TNRC6C: variants seen among roughly 807,000 people sequenced by gnomAD.
TNRC6C encodes trinucleotide repeat containing adaptor 6C, also known as trinucleotide repeat-containing gene 6C protein.
In TNRC6C, 20 loss-of-function variants were observed where a neutral mutation model predicts 153.7. The ratio of observed to expected loss-of-function variants is 0.13; its 90% CI spans 0.09 to 0.19. The LOEUF (loss-of-function observed/expected upper bound fraction) is 0.19, where lower values mean the gene tolerates loss of function less well. Ranked by LOEUF, TNRC6C falls within the 10% of genes least tolerant of loss-of-function variation. The pLI, the probability that TNRC6C is intolerant of heterozygous loss-of-function variation, is 1.00. For missense variants in TNRC6C, 1,987 were observed against 2,172.0 expected (o/e 0.91, Z 1.69); for synonymous variants, 811 against 841.4 (o/e 0.96, Z 0.63).
chr17:77,977,891 C>CTTTTTTT (rs528315933), intron 1 of TNRC6C, among the ~76,000 whole-genome samples: 5 of 114,136 alleles, frequency 4.4e-5, no homozygotes, highest in African/African-American at 7.1e-5. Flanking sequence ...TTTAAAACCT[C>CTTTTTTT]TTTTTTTTTT....
Position 77,990,841 on chromosome 17 carries a change from A to T in TNRC6C, c.-37-13329A>T, listed in dbSNP as rs1410696051. On this transcript the variant is annotated intron_variant, in intron 1 of 22. Transcript: ENST00000636222. ...TAATTGGTTTTTACTCAGTAATTTC[A>T]TAGGGTCAATCAGTTTGATTTGTTA... is the stretch of plus-strand genomic sequence containing the variant. Among the ~76,000 whole-genome samples, 10 of 152,146 alleles carry T rather than the reference A, an allele frequency of 6.6e-5. No homozygotes were observed. The East Asian group carries it at 1.5e-3, about 23-fold the overall frequency.
At chr17:77,990,434 C>T (rs1437742559) in intron 1 of TNRC6C, among the ~76,000 whole-genome samples, 1 of 152,174 alleles carries the variant, frequency 6.6e-6, no homozygotes, top group African/African-American at 2.4e-5. Context: ...GTAGCCATTT[C>T]TTTCATTGCT....
intron 1 of TNRC6C, among the ~76,000 whole-genome samples, chr17:78,028,092 G>A (rs1378085973): frequency 6.6e-6 from 1 of 152,026 alleles, no homozygotes. Context: ...TAGAGACAGG[G>A]TTTCACCGTG....
intron 1 of TNRC6C, among the ~76,000 whole-genome samples, chr17:78,019,078 A>G (rs2071784482): frequency 6.6e-6 from 1 of 152,206 alleles, no homozygotes; most frequent in Admixed American, 6.5e-5. Flanking sequence ...GATAGCAAGC[A>G]TAGTGAAAGG....
intron 1 of TNRC6C, among the ~76,000 whole-genome samples, chr17:77,967,195 G>A (rs1242266197): frequency 6.6e-6 from 1 of 152,020 alleles, no homozygotes; most frequent in African/African-American, 2.4e-5. Context: ...ATCAACTTTA[G>A]ACTTTAAATT....
intron 3 of TNRC6C, among the ~76,000 whole-genome samples, chr17:78,056,171 T>C (rs1417385032): frequency 6.6e-6 from 1 of 151,836 alleles, no homozygotes; most frequent in African/African-American, 2.4e-5. Context: ...TTTTTTTTTT[T>C]TCTTGAGGCA....
At chr17:78,014,980 A>G (rs1001884633) in intron 1 of TNRC6C, among the ~76,000 whole-genome samples, 1 of 152,200 alleles carries the variant, frequency 6.6e-6, no homozygotes, top group Non-Finnish European at 1.5e-5. Context: ...AGGCTGCAGA[A>G]GAAATTGTAA....
rs200084854 is a variant in TNRC6C, at chr17:78,098,416, A to G, written c.4380A>G (p.Glu1460=). 2,556 of 1,613,944 alleles carry G rather than the reference A, an allele frequency of 1.6e-3. 6 individuals carry two copies. The highest frequency in any genetic ancestry group is 4.9e-3 in the South Asian group (450 of 91,078). Residue 1460 remains glutamate (E), a synonymous_variant, in exon 17 of 20, where the codon GAA becomes GAG. Coordinates refer to ENST00000301624, the Ensembl canonical transcript of TNRC6C. The stretch of plus-strand genomic sequence containing the variant: ...ACACGCAAGCCTCTCTGTCTCATGA[A>G]CTATGGAAGGTGCCCAGAAACAGTA...
intron 3 of TNRC6C, among the ~76,000 whole-genome samples, chr17:78,061,788 G>A (rs1471638312): frequency 2.6e-5 from 4 of 152,114 alleles, no homozygotes; most frequent in East Asian, 3.8e-4. Context: ...CTTGCAAGTC[G>A]TTTGCCTTCT....
intron 3 of TNRC6C, among the ~76,000 whole-genome samples, chr17:78,056,110 A>G (rs2072648591): frequency 6.6e-6 from 1 of 151,668 alleles, no homozygotes; most frequent in African/African-American, 2.4e-5. Flanking sequence ...TTGGCCTCCC[A>G]AAGTGTTGGG....
chr17:77,973,056 CCATCA>C (rs1454014911), intron 1 of TNRC6C, among the ~76,000 whole-genome samples: 1 of 152,186 alleles, frequency 6.6e-6, no homozygotes, highest in East Asian at 1.9e-4. Flanking sequence ...CAGGCGCCTG[CCATCA>C]CATCCAGCTA....
exon 18 of TNRC6C, chr17:78,102,523 T>C (rs771381717): frequency 3.1e-6 from 5 of 1,605,244 alleles, no homozygotes; most frequent in Middle Eastern, 1.7e-4. Flanking sequence ...GCTGGCTCGT[T>C]CTTCGAAACC....
intron 1 of TNRC6C, among the ~76,000 whole-genome samples, chr17:78,007,001 C>A (rs528306308): frequency 6.6e-6 from 1 of 150,674 alleles, no homozygotes; most frequent in South Asian, 2.1e-4. Context: ...ATGGCCACAC[C>A]CAGCTAATTT....
chr17:78,073,940 C>T (rs1233265072), intron 7 of TNRC6C, among the ~76,000 whole-genome samples: 1 of 152,192 alleles, frequency 6.6e-6, no homozygotes, highest in Non-Finnish European at 1.5e-5. Flanking sequence ...AGCTCTGTCA[C>T]ATGCCCAGAT....
At position 78,010,812 on chromosome 17, in the gene TNRC6C, A is replaced by G. The variant is rs370842014; in HGVS notation, c.-546+5733A>G. ...AATTTTTTTCCATGGAAACAAAAAA[A>G]ATATTAAGATGAGACATTTTAAAAA... is the stretch of plus-strand genomic sequence containing the variant. On this transcript the variant is annotated intron_variant, in intron 1 of 19. Transcript: ENST00000301624. Among the ~76,000 whole-genome samples, 8 of 152,258 alleles carry G rather than the reference A, an allele frequency of 5.3e-5. No homozygotes were observed. In the East Asian group the frequency reaches 9.6e-4, roughly 18 times the overall value.
intron 8 of TNRC6C, among the ~76,000 whole-genome samples, chr17:78,076,565 G>A (rs1304160011): frequency 1.3e-5 from 2 of 152,172 alleles, no homozygotes; most frequent in Admixed American, 6.5e-5. Context: ...CATCGCATAT[G>A]TTTATTTGCT....
intron 1 of TNRC6C, among the ~76,000 whole-genome samples, chr17:77,978,177 G>A (rs528175350): frequency 2.0e-5 from 3 of 152,186 alleles, no homozygotes; most frequent in South Asian, 2.1e-4. Context: ...GATTACAGGC[G>A]TGAGCCACCG....
At chr17:78,080,676 G>C (rs1334927829) in intron 10 of TNRC6C, among the ~76,000 whole-genome samples, 2 of 152,032 alleles carry the variant, frequency 1.3e-5, no homozygotes, top group Admixed American at 6.6e-5. Context: ...TGCTGCGTGG[G>C]GTAACTCAGG....
chr17:78,103,028 G>A, intron 18 of TNRC6C, among the ~76,000 whole-genome samples: 1 of 152,164 alleles, frequency 6.6e-6, no homozygotes, highest in East Asian at 1.9e-4. Context: ...TGTGGGGCTA[G>A]CCAGTCCCTT....
Sources: gnomAD v4.1 joint callset for allele counts (sites outside exome capture counted in the v4.1 genomes callset) on GRCh38, gnomAD v4.1.1 for gene constraint, MANE v1.5 for transcripts, NCBI Gene and HGNC (gene_info 2026-07-23, HGNC 2026-07-21) for gene names.